The following CELSR1 variants were observed in gnomAD, a reference collection of about 807,000 sequenced individuals.
CELSR1 encodes the protein cadherin EGF LAG seven-pass G-type receptor 1.
CELSR1 carries 110 observed loss-of-function variants against 249.1 expected under a neutral mutation model. The observed-to-expected ratio is 0.44, with a 90% CI of 0.38 to 0.52. The LOEUF (loss-of-function observed/expected upper bound fraction) is 0.52, where lower values mean the gene tolerates loss of function less well. CELSR1 is among the 20% of genes least tolerant of loss of function. The probability of loss-of-function intolerance (pLI) is 0.00; values close to 1 mark genes in which losing one functional copy is unlikely to be tolerated. For synonymous variants in CELSR1, 2,113 were observed against 1,900.0 expected (o/e 1.11, Z -2.92); for missense variants, 4,109 against 4,296.4 (o/e 0.96, Z 1.22).
intron 1 of CELSR1, among the ~76,000 whole-genome samples, chr22:46,479,595 T>C (rs552317037): frequency 1.2e-4 from 16 of 131,480 alleles, no homozygotes; most frequent in African/African-American, 3.8e-4. Context: ...CTGAGACTTT[T>C]TGTGGTTATT....
At chr22:46,494,788 T>G (rs9616023) in intron 1 of CELSR1, among the ~76,000 whole-genome samples, 21,271 of 152,246 alleles carry the variant, frequency 0.14, 1,627 homozygotes, top group South Asian at 0.23. Context: ...ATTACAGTCA[T>G]GAGCCACTGC....
In CELSR1 at chr22:46,429,852, G is replaced by A. The variant is rs2079574454; in HGVS notation, c.4611+3541C>T. On this transcript the variant is annotated intron_variant, in intron 5 of 34. Transcript: ENST00000674500. This position sits in a 1 kb window ranked among gnomAD's most constrained non-coding sequence, Gnocchi z 4.1. ...TTCCCTTGATGCTCTAGGACTAAGGGCCATCGCAGCTCCGCTGGCACTGCC... is the reference window on the plus strand; with the variant it reads ...TTCCCTTGATGCTCTAGGACTAAGGACCATCGCAGCTCCGCTGGCACTGCC... Among the ~76,000 whole-genome samples the A allele has an allele frequency of 6.6e-6, 1 of 152,214 alleles. No individual in the cohort carries two copies. The highest frequency in any genetic ancestry group is 2.1e-4 in the South Asian group (1 of 4,830).
rs368458281 is a variant in CELSR1 at position 46,364,731 on chromosome 22, C to A, written c.8560G>T (p.Ala2854Ser). Residue 2854 changes from alanine to serine, a missense_variant, in exon 33 of 35, where the codon GCT (alanine) becomes TCT (serine). Coordinates refer to ENST00000674500, the MANE Select transcript of CELSR1 (RefSeq NM_001378328.1). ...CCGGCCGGAACGTGGTTGGCCACAG[C>A]GTCCCCTGAGGCACGAGAGCGGTGC... ...GAVHSTPKGD[A>S]VANHVPAGWP... 6.2e-7 allele frequency: 1 copy of A among 1,611,528 alleles called. No individual in the cohort carries two copies. Among genetic ancestry groups the A allele is most frequent in the Admixed American group, 1.7e-5 (1 of 59,952 alleles).
Position 46,363,174 on chromosome 22 carries a change from T to C in CELSR1, c.*49A>G, listed in dbSNP as rs1047381548. ...CGCAGCCTGTGTGGGGTGACGGGCT[T>C]GCCTCACGGTTTCCTGATGGTTCAA... On this transcript the variant is annotated 3_prime_UTR_variant, in exon 35 of 35. Transcript: ENST00000674500. The surrounding 1 kb of genome is among the most constrained non-coding windows in gnomAD (Gnocchi z 4.3). 6.2e-7 allele frequency: 1 copy of C among 1,613,678 alleles called. No individual in the cohort carries two copies.
intron 5 of CELSR1, among the ~76,000 whole-genome samples, chr22:46,419,057 C>G (rs2079435713): frequency 6.6e-6 from 1 of 152,180 alleles, no homozygotes; most frequent in Non-Finnish European, 1.5e-5. Flanking sequence ...CAGCAGGGCA[C>G]CGTGCCAGCC....
At position 46,364,325 on chromosome 22, in the gene CELSR1, G is replaced by A. The variant is rs534772537; in HGVS notation, c.8780-74C>T. 7.6e-6 allele frequency: 12 copies of A among 1,569,362 alleles called. No individual in the cohort carries two copies. In the Admixed American group the frequency reaches 9.5e-5, roughly 12 times the overall value. On this transcript the variant is annotated intron_variant, in intron 33 of 34. Coordinates refer to ENST00000674500, the MANE Select transcript of CELSR1 (RefSeq NM_001378328.1). ...GGCAGCTGCTGGGCCGTGTGCAGCT[G>A]AGCCAGCCTCAGCCCCTGTCCTTCC...
Position 46,411,561 on chromosome 22 carries a change from G to T in CELSR1, c.4769+41C>A. 1 of 1,610,966 alleles carries T rather than the reference G, an allele frequency of 6.2e-7. No homozygotes were observed. Among genetic ancestry groups the T allele is most frequent in the Non-Finnish European group, 8.5e-7 (1 of 1,178,414 alleles). ...GAAGGCCGCAGGGTGAGCATGTTTG[G>T]GGGTACGGACCCCCAGGGCCTCCCC... On this transcript the variant is annotated intron_variant, in intron 6 of 34. Transcript: ENST00000674500. This position sits in a 1 kb window ranked among gnomAD's most constrained non-coding sequence, Gnocchi z 4.2.
In CELSR1 at chr22:46,526,383, G is replaced by A. The variant is rs1246834685; in HGVS notation, c.3544+7244C>T. The stretch of plus-strand genomic sequence containing the variant: ...TGTGCGTAACCCGCCAACTCTGCTG[G>A]GCCTTTAGCTCAGCCTTGTGCAGGC... On this transcript the variant is annotated intron_variant, in intron 1 of 34. Coordinates refer to ENST00000674500, the MANE Select transcript of CELSR1 (RefSeq NM_001378328.1). The surrounding 1 kb of genome is among the most constrained non-coding windows in gnomAD (Gnocchi z 4.7). Among the ~76,000 whole-genome samples the A allele has an allele frequency of 6.6e-6, 1 of 152,156 alleles. No homozygotes were observed. Among genetic ancestry groups the A allele is most frequent in the Non-Finnish European group, 1.5e-5 (1 of 68,026 alleles).
intron 20 of CELSR1, among the ~76,000 whole-genome samples, chr22:46,382,334 G>A (rs1018596881): frequency 6.6e-6 from 1 of 152,098 alleles, no homozygotes; most frequent in Non-Finnish European, 1.5e-5. Flanking sequence ...CTGGAGTGCA[G>A]TGGCGCCATC....
rs1173718812 is a variant in CELSR1, at chr22:46,406,969, C to T, written c.5226+2027G>A. 5.3e-5 allele frequency among the ~76,000 whole-genome samples: 8 copies of T among 152,226 alleles called. No homozygotes were observed. Among genetic ancestry groups the T allele is most frequent in the African/African-American group, 1.2e-4 (5 of 41,460 alleles). ...GATGGCGGAGGACACGCAGCCCAGA[C>T]GCCGCTTTGGGAGGGACTTCCTGAC... On this transcript the variant is annotated intron_variant, in intron 9 of 34. Coordinates refer to ENST00000674500, the MANE Select transcript of CELSR1 (RefSeq NM_001378328.1). This position sits in a 1 kb window ranked among gnomAD's most constrained non-coding sequence, Gnocchi z 5.4.
intron 1 of CELSR1, among the ~76,000 whole-genome samples, chr22:46,483,366 G>A (rs1198606742): frequency 1.4e-5 from 2 of 147,792 alleles, no homozygotes; most frequent in Admixed American, 6.8e-5. Flanking sequence ...CCCTCTTTAT[G>A]GAAACATGCT....
intron 5 of CELSR1, among the ~76,000 whole-genome samples, chr22:46,426,443 G>A (rs1406813201): frequency 5.9e-5 from 9 of 152,058 alleles, no homozygotes; most frequent in South Asian, 2.1e-4. Context: ...TTCGCCACCC[G>A]GTTCCTAGAC....
chr22:46,381,915 A>G lies in CELSR1; in HGVS notation c.7019T>C (p.Leu2340Pro). Reference sequence around the variant, plus strand: ...CCCCAGGGTGCGGTAAATGATGACCAGAGCGACGGCGAACTGGCCAGCGTC... The same window carrying G: ...CCCCAGGGTGCGGTAAATGATGACCGGAGCGACGGCGAACTGGCCAGCGTC... The part of the protein sequence containing the change: ...PDDAGQFAVA[L>P]VIIYRTLGQL... Residue 2340 changes from leucine to proline, a missense_variant, in exon 21 of 35, where the codon CTG (leucine) becomes CCG (proline). Around this residue, in one of 7 missense-constraint regions of CELSR1, gnomAD observed 1,805 missense variants for 1,831.6 expected, o/e 0.99. Coordinates refer to ENST00000674500, the MANE Select transcript of CELSR1 (RefSeq NM_001378328.1). This position sits in a 1 kb window ranked among gnomAD's most constrained non-coding sequence, Gnocchi z 6.0. 1 of 1,574,246 alleles carries G rather than the reference A, an allele frequency of 6.4e-7. No homozygotes were observed. The highest frequency in any genetic ancestry group is 8.6e-7 in the Non-Finnish European group (1 of 1,161,798).
At chr22:46,460,209 A>ACC (rs1555922657) in intron 2 of CELSR1, among the ~76,000 whole-genome samples, 2,897 of 122,424 alleles carry the variant, frequency 0.024, 50 homozygotes, top group African/African-American at 0.032. Context: ...ACACACACAC[A>ACC]CACACACCCA....
chr22:46,439,110 C>T, intron 3 of CELSR1, 79 bp downstream of exon 3: 2 of 1,356,988 alleles, frequency 1.5e-6, no homozygotes, highest in Non-Finnish European at 2.1e-6. Flanking sequence ...ACGTCACGAT[C>T]TAGAGGGATG....
chr22:46,497,335 T>G (rs992236713), intron 1 of CELSR1, among the ~76,000 whole-genome samples: 3 of 152,252 alleles, frequency 2.0e-5, no homozygotes, highest in Admixed American at 6.5e-5. Context: ...TTTCAATGTT[T>G]ATAGCAATTC....
intron 2 of CELSR1, 140 bp downstream of exon 2, chr22:46,463,567 C>T (rs530816248): frequency 1.3e-6 from 1 of 786,174 alleles, no homozygotes; most frequent in Non-Finnish European, 1.8e-6. Context: ...TCTCAAGGTT[C>T]GTGGAGCCCA....
intron 1 of CELSR1, among the ~76,000 whole-genome samples, chr22:46,474,788 C>CTCTTT (rs2080191128): frequency 1.1e-5 from 1 of 89,624 alleles, no homozygotes; most frequent in Non-Finnish European, 2.0e-5. Context: ...CTCTCTACTT[C>CTCTTT]TTTTTTTTTT....
intron 1 of CELSR1, among the ~76,000 whole-genome samples, chr22:46,503,602 A>C (rs1378225968): frequency 6.6e-6 from 1 of 152,228 alleles, no homozygotes; most frequent in East Asian, 1.9e-4. Context: ...CCTTCACTTA[A>C]GCCTCATGCA....
Sources: allele counts gnomAD v4.1 joint callset (sites outside exome capture counted in the v4.1 genomes callset), GRCh38; gene constraint gnomAD v4.1.1; regional missense constraint gnomAD v4.1.1; non-coding constraint Gnocchi (gnomAD v3.1); transcripts MANE v1.5; gene names NCBI Gene and HGNC (gene_info 2026-07-23, HGNC 2026-07-21).